The following CACNA1D variants were observed in gnomAD, a reference collection of about 807,000 sequenced individuals.
CACNA1D encodes voltage-dependent L-type calcium channel subunit alpha-1D.
In CACNA1D, 55 loss-of-function variants were observed where a neutral mutation model predicts 257.1. That is an observed-to-expected ratio of 0.21 (90% CI 0.17 to 0.27). CACNA1D has a LOEUF of 0.27. Among genes scored for constraint, CACNA1D ranks in the 10% least tolerant of loss-of-function variants. The pLI is 1.00. For synonymous variants in CACNA1D, 980 were observed against 1,014.9 expected, an observed-to-expected ratio of 0.97 and a Z score of 0.65; for missense variants, 1,876 against 2,784.0, an observed-to-expected ratio of 0.67 and a Z score of 7.34.
intron 5 of CACNA1D, among the ~76,000 whole-genome samples, chr3:53,661,074 A>G (rs1473271817): frequency 6.6e-6 from 1 of 152,184 alleles, no homozygotes; most frequent in Admixed American, 6.5e-5. Context: ...TTATCCTTCC[A>G]TAAGGTGTTT....
At chr3:53,688,427 T>C (rs1159683058) in intron 8 of CACNA1D, among the ~76,000 whole-genome samples, 1 of 152,232 alleles carries the variant, frequency 6.6e-6, no homozygotes, top group Admixed American at 6.5e-5. Flanking sequence ...CAAGGCTTTT[T>C]CTTCCTAAAA....
Position 53,811,269 on chromosome 3 carries a change from G to A in CACNA1D, c.6349G>A (p.Gly2117Arg), listed in dbSNP as rs773604700. 122 of 1,613,834 alleles carry A rather than the reference G, an allele frequency of 7.6e-5. No individual in the cohort carries two copies. The highest frequency in any genetic ancestry group is 9.3e-5 in the Non-Finnish European group (110 of 1,180,028). ...LNGNVRPRAN[G>R]DVGPLSHRQD... The stretch of plus-strand genomic sequence containing the variant: ...TGGGAACGTGCGTCCCCGAGCCAAC[G>A]GGGATGTGGGCCCCCTCTCACACCG... Residue 2117 changes from glycine to arginine, a missense_variant, in exon 48 of 48, where the codon GGG becomes AGG. Gly to Arg is a moderately radical substitution (Grantham distance 125). Around this residue, in one of 10 missense-constraint regions of CACNA1D, gnomAD observed 491 missense variants for 554.3 expected, o/e 0.89. Coordinates refer to ENST00000350061, the MANE Select transcript of CACNA1D (RefSeq NM_001128840.3). The surrounding 1 kb of genome is among the most constrained non-coding windows in gnomAD (Gnocchi z 4.2).
intron 3 of CACNA1D, among the ~76,000 whole-genome samples, chr3:53,555,072 T>C (rs1326004739): frequency 1.3e-5 from 2 of 152,226 alleles, no homozygotes; most frequent in African/African-American, 2.4e-5. Context: ...AAACTTGTAA[T>C]TATATTAGAG....
At position 53,800,930 on chromosome 3, in the gene CACNA1D, AT is replaced by A. The variant is rs1292993192; in HGVS notation, c.5041-126del. 1.6e-5 allele frequency: 14 copies of A among 885,054 alleles called. No homozygotes were observed. Among genetic ancestry groups the A allele is most frequent in the Non-Finnish European group, 2.6e-5 (14 of 534,166 alleles). 54.8% of individuals were successfully genotyped at this position (885,054 alleles called of 1,614,324 possible). A position where few individuals can be genotyped will look rare whatever the true frequency, so the allele number is the denominator to read the frequency against. ...TCACCCTGATCATTGAGACACTCAG[AT>A]TGTTTTACAGGGATCCTACGGAGCT... On this transcript the variant is annotated intron_variant, in intron 41 of 47. Coordinates refer to ENST00000350061, the MANE Select transcript of CACNA1D (RefSeq NM_001128840.3). This position sits in a 1 kb window ranked among gnomAD's most constrained non-coding sequence, Gnocchi z 4.3.
At chr3:53,734,014 GTGTATATATA>G (rs750180554) in intron 19 of CACNA1D, among the ~76,000 whole-genome samples, 821 of 36,056 alleles carry the variant, frequency 0.023, 5 homozygotes, top group Admixed American at 0.032. Flanking sequence ...ATATATGTGT[GTGTATATATA>G]TATATATATA....
At position 53,803,454 on chromosome 3, in the gene CACNA1D, A is replaced by G. The variant is rs753764265; in HGVS notation, c.5467A>G (p.Ile1823Val). ...CTCAGGAGATGAACAGCTCCCAACT[A>G]TTTGCCGGGAAGACCCAGAGATACA... ...SDSGDEQLPT[I>V]CREDPEIHGY... The change falls in exon 44 of 48, where the codon ATT becomes GTT. Residue 1823 changes from isoleucine to valine, a missense_variant. Ile to Val is a conservative substitution (Grantham distance 29). Around this residue, in one of 10 missense-constraint regions of CACNA1D, gnomAD observed 491 missense variants for 554.3 expected, o/e 0.89. Coordinates refer to ENST00000350061, the MANE Select transcript of CACNA1D (RefSeq NM_001128840.3). 5 of 1,613,988 alleles carry G rather than the reference A, an allele frequency of 3.1e-6. No individual in the cohort carries two copies. The highest frequency in any genetic ancestry group is 4.2e-6 in the Non-Finnish European group (5 of 1,180,018).
At chr3:53,682,392 A>C (rs924601816) in intron 8 of CACNA1D, among the ~76,000 whole-genome samples, 7 of 142,438 alleles carry the variant, frequency 4.9e-5, no homozygotes, top group Non-Finnish European at 9.1e-5. Flanking sequence ...AAAAAAAAAA[A>C]AAAACAGAAG....
intron 27 of CACNA1D, 128 bp downstream of exon 27, chr3:53,749,597 G>C (rs374989080): frequency 3.6e-5 from 26 of 722,608 alleles, no homozygotes; most frequent in East Asian, 3.4e-4. Flanking sequence ...CTAGGGCCCT[G>C]TTCTAAGCAC....
intron 3 of CACNA1D, among the ~76,000 whole-genome samples, chr3:53,520,426 C>T (rs991208523): frequency 3.3e-5 from 5 of 152,102 alleles, no homozygotes; most frequent in Middle Eastern, 3.2e-3. Context: ...GCTTATTAGC[C>T]GTTTGTATCA....
chr3:53,684,621 C>CAAAAAA (rs60026644), intron 8 of CACNA1D, among the ~76,000 whole-genome samples: 14 of 84,488 alleles, frequency 1.7e-4, no homozygotes, highest in Admixed American at 4.6e-4. Context: ...GAAACTCTGT[C>CAAAAAA]AAAAAAAAAA....
rs74692946 is a variant in CACNA1D, at chr3:53,676,519, G to A, written c.1220+3393G>A. Among the ~76,000 whole-genome samples the A allele has an allele frequency of 2.7e-3, 411 of 152,276 alleles. 3 individuals are homozygous for A. Among genetic ancestry groups the A allele is most frequent in the African/African-American group, 9.0e-3 (373 of 41,536 alleles). On this transcript the variant is annotated intron_variant, in intron 8 of 47. Transcript: ENST00000350061. ...TGTCAGACCAACACAAATGTAATCC[G>A]CTAAGCACTGAATTAAAACGCCCTC...
At chr3:53,690,302 C>CGTTTTT (rs565131813) in intron 8 of CACNA1D, among the ~76,000 whole-genome samples, 144 of 152,282 alleles carry the variant, frequency 9.5e-4, no homozygotes, top group African/African-American at 3.3e-3. Flanking sequence ...TATGCTTTGT[C>CGTTTTT]GTTTTTGTTT....
chr3:53,544,244 G>A (rs187879416), intron 3 of CACNA1D, among the ~76,000 whole-genome samples: 87 of 152,230 alleles, frequency 5.7e-4, no homozygotes, highest in African/African-American at 2.0e-3. Context: ...AATTAAGACT[G>A]TCTTGTGAAA....
chr3:53,730,365 G>A (rs2094978020), intron 15 of CACNA1D, 77 bp from the exon 16 acceptor site: 3 of 922,794 alleles, frequency 3.3e-6, no homozygotes, highest in Non-Finnish European at 5.4e-6. Flanking sequence ...GGGATGCAGA[G>A]GTGTGTGGCG....
At chr3:53,721,616 G>T (rs1188096339) in intron 11 of CACNA1D, among the ~76,000 whole-genome samples, 2 of 152,166 alleles carry the variant, frequency 1.3e-5, no homozygotes, top group South Asian at 2.1e-4. Context: ...CTGTTTGGCT[G>T]AGCTCATTTT....
intron 3 of CACNA1D, among the ~76,000 whole-genome samples, chr3:53,589,407 TTG>T (rs1230741912): frequency 1.3e-5 from 2 of 152,076 alleles, no homozygotes; most frequent in African/African-American, 2.4e-5. Context: ...CCTGCAGCAT[TTG>T]GACGAACTCC....
At chr3:53,668,877 AT>A (rs2094295254) in intron 7 of CACNA1D, among the ~76,000 whole-genome samples, 3 of 152,240 alleles carry the variant, frequency 2.0e-5, no homozygotes, top group African/African-American at 7.2e-5. Context: ...GTCATGAAAT[AT>A]TTTGCTTTTG....
At chr3:53,605,912 T>C (rs11721212) in intron 3 of CACNA1D, among the ~76,000 whole-genome samples, 27,999 of 152,152 alleles carry the variant, frequency 0.18, 3,001 homozygotes, top group Middle Eastern at 0.3. Flanking sequence ...GGTATCATGC[T>C]TTCCTGAAGT....
intron 22 of CACNA1D, among the ~76,000 whole-genome samples, 167 bp from the exon 23 acceptor site, chr3:53,744,573 A>C (rs939875725): frequency 1.3e-5 from 2 of 151,890 alleles, no homozygotes; most frequent in African/African-American, 2.4e-5. Context: ...GTGGGCGGGG[A>C]GGAGAAGTCG....
Sources: allele counts gnomAD v4.1 joint callset (sites outside exome capture counted in the v4.1 genomes callset), GRCh38; gene constraint gnomAD v4.1.1; regional missense constraint gnomAD v4.1.1; non-coding constraint Gnocchi (gnomAD v3.1); transcripts MANE v1.5; gene names NCBI Gene and HGNC (gene_info 2026-07-23, HGNC 2026-07-21).